Variants in PTPRD observed in about 807,000 individuals in gnomAD.
The protein encoded by PTPRD is protein tyrosine phosphatase receptor type D.
A neutral mutation model predicts 214.5 loss-of-function variants in PTPRD; 34 were observed. The ratio of observed to expected loss-of-function variants is 0.16; its 90% CI spans 0.12 to 0.21. The LOEUF is 0.21. Among genes scored for constraint, PTPRD ranks in the 10% least tolerant of loss-of-function variants. The pLI is 1.00. For missense variants in PTPRD, 2,545 were observed against 2,398.7 expected (o/e 1.06, Z -1.27); for synonymous variants, 1,128 against 845.7 (o/e 1.33, Z -5.79).
At chr9:8,441,966 T>C (rs1038566178) in intron 34 of PTPRD, among the ~76,000 whole-genome samples, 4 of 152,180 alleles carry the variant, frequency 2.6e-5, no homozygotes, top group South Asian at 2.1e-4. Flanking sequence ...TCTTTAAGAC[T>C]GTTTGGGCTC....
intron 11 of PTPRD, among the ~76,000 whole-genome samples, chr9:8,997,291 T>C (rs1247176340): frequency 2.6e-5 from 4 of 152,142 alleles, no homozygotes; most frequent in Non-Finnish European, 5.9e-5. Context: ...TGAAGGTTTG[T>C]GGCAGTCCTT....
At chr9:8,909,923 T>A (rs1226982318) in intron 11 of PTPRD, among the ~76,000 whole-genome samples, 1 of 151,502 alleles carries the variant, frequency 6.6e-6, no homozygotes, top group African/African-American at 2.4e-5. Context: ...TCTTTATTTA[T>A]AGATGACATG....
intron 10 of PTPRD, among the ~76,000 whole-genome samples, chr9:9,168,137 G>A (rs2099907771): frequency 6.6e-6 from 1 of 152,130 alleles, no homozygotes; most frequent in South Asian, 2.1e-4. Flanking sequence ...ATTCACTTAT[G>A]TTTTGTGTAC....
intron 3 of PTPRD, among the ~76,000 whole-genome samples, chr9:10,078,514 TAAAAAAAAAAA>T (rs71485315): frequency 1.3e-5 from 1 of 78,762 alleles, no homozygotes; most frequent in Non-Finnish European, 2.4e-5. Context: ...AGACTCCATC[TAAAAAAAAAAA>T]AAAAAAAAAA....
intron 8 of PTPRD, among the ~76,000 whole-genome samples, chr9:9,498,272 G>A (rs780976577): frequency 1.4e-4 from 21 of 152,162 alleles, no homozygotes; most frequent in South Asian, 2.1e-4. Context: ...CTTGTATTAC[G>A]CAGTCTTGTA....
intron 3 of PTPRD, among the ~76,000 whole-genome samples, chr9:10,182,768 G>C (rs2099307212): frequency 6.6e-6 from 1 of 152,024 alleles, no homozygotes; most frequent in Non-Finnish European, 1.5e-5. Flanking sequence ...ACTTCAAGTG[G>C]GTGTATAAAT....
intron 11 of PTPRD, among the ~76,000 whole-genome samples, chr9:8,808,582 G>T (rs2096736057): frequency 6.7e-6 from 1 of 150,280 alleles, no homozygotes; most frequent in African/African-American, 2.5e-5. Flanking sequence ...GTTAATCCTG[G>T]CCCACTGTAT....
intron 2 of PTPRD, among the ~76,000 whole-genome samples, chr9:10,486,744 G>T (rs1202652982): frequency 6.6e-6 from 1 of 152,180 alleles, no homozygotes; most frequent in Non-Finnish European, 1.5e-5. Flanking sequence ...ACTTGAGAAT[G>T]ATTCATGTGC....
chr9:9,912,124 G>T (rs936248328), intron 5 of PTPRD, among the ~76,000 whole-genome samples: 2 of 152,064 alleles, frequency 1.3e-5, no homozygotes, highest in Non-Finnish European at 2.9e-5. Context: ...AACCTTGATG[G>T]AAATTCAGTA....
intron 4 of PTPRD, among the ~76,000 whole-genome samples, chr9:9,995,532 C>A (rs1453583347): frequency 6.6e-6 from 1 of 152,158 alleles, no homozygotes; most frequent in East Asian, 1.9e-4. Context: ...TTCTCCACCC[C>A]ACTCTGTATC....
intron 14 of PTPRD, among the ~76,000 whole-genome samples, chr9:8,600,964 C>T (rs540814340): frequency 4.6e-5 from 7 of 152,126 alleles, no homozygotes; most frequent in East Asian, 1.9e-4. Flanking sequence ...GCAGGCTCTC[C>T]GGGTCCCCAG....
intron 3 of PTPRD, among the ~76,000 whole-genome samples, chr9:10,148,094 T>C (rs1197409756): frequency 1.3e-5 from 2 of 152,118 alleles, no homozygotes; most frequent in African/African-American, 4.8e-5. Flanking sequence ...CCTTTCACTA[T>C]TTTCAACTAT....
chr9:9,841,178 G>A (rs765235802), intron 5 of PTPRD, among the ~76,000 whole-genome samples: 30 of 152,016 alleles, frequency 2.0e-4, no homozygotes, highest in African/African-American at 5.3e-4. Flanking sequence ...TTGCATCGTC[G>A]GAATCATACT....
At chr9:9,871,760 G>C (rs1042084926) in intron 5 of PTPRD, among the ~76,000 whole-genome samples, 3 of 152,080 alleles carry the variant, frequency 2.0e-5, no homozygotes, top group Non-Finnish European at 2.9e-5. Context: ...CCTGGGAGGA[G>C]AAGCTCATGG....
chr9:8,850,063 A>G (rs928198457), intron 11 of PTPRD, among the ~76,000 whole-genome samples: 9 of 152,184 alleles, frequency 5.9e-5, no homozygotes, highest in Admixed American at 5.2e-4. Context: ...GATGACACCA[A>G]GGTTTCTGAT....
At chr9:9,230,725 T>C (rs1418710828) in intron 9 of PTPRD, among the ~76,000 whole-genome samples, 1 of 152,094 alleles carries the variant, frequency 6.6e-6, no homozygotes, top group Admixed American at 6.6e-5. Flanking sequence ...GTGTTGCGCA[T>C]ATAGAGAAAC....
chr9:9,839,388 A>G (rs1316124844), intron 5 of PTPRD, among the ~76,000 whole-genome samples: 1 of 152,190 alleles, frequency 6.6e-6, no homozygotes, highest in African/African-American at 2.4e-5. Flanking sequence ...AAAAATCACA[A>G]GCATTCTTAC....
At chr9:8,459,455 ATTTT>A (rs2096316338) in intron 33 of PTPRD, among the ~76,000 whole-genome samples, 1 of 152,062 alleles carries the variant, frequency 6.6e-6, no homozygotes, top group Non-Finnish European at 1.5e-5. Context: ...AAGGGAAGTA[ATTTT>A]GAATTTAGTC....
chr9:9,604,065 A>T (rs1323072429), intron 7 of PTPRD, among the ~76,000 whole-genome samples: 2 of 152,142 alleles, frequency 1.3e-5, no homozygotes, highest in African/African-American at 4.8e-5. Flanking sequence ...TGATTAATAT[A>T]ATTTTGCTTT....
Sources: gnomAD v4.1 joint callset for allele counts (sites outside exome capture counted in the v4.1 genomes callset) on GRCh38, gnomAD v4.1.1 for gene constraint, MANE v1.5 for transcripts, NCBI Gene and HGNC (gene_info 2026-07-23, HGNC 2026-07-21) for gene names.